TNIK: variants seen among roughly 807,000 people sequenced by gnomAD.
The protein encoded by TNIK is TRAF2 and NCK interacting kinase.
In TNIK, 49 loss-of-function variants were observed where a neutral mutation model predicts 191.3. The observed-to-expected ratio is 0.26, with a 90% CI of 0.20 to 0.32. The LOEUF is 0.32. Ranked by LOEUF, TNIK falls within the 10% of genes least tolerant of loss-of-function variation. The pLI is 1.00. For missense variants in TNIK, 1,155 were observed against 1,702.3 expected, an observed-to-expected ratio of 0.68 and a Z score of 5.66; for synonymous variants, 594 against 600.9, an observed-to-expected ratio of 0.99 and a Z score of 0.17.
chr3:171,070,430 A>C (rs1719034319), intron 29 of TNIK, among the ~76,000 whole-genome samples: 1 of 152,164 alleles, frequency 6.6e-6, no homozygotes, highest in Non-Finnish European at 1.5e-5. Flanking sequence ...GACATAAAGA[A>C]GTAGACAGAC....
intron 18 of TNIK, 106 bp from the exon 19 acceptor site, chr3:171,110,983 A>G: frequency 8.7e-7 from 1 of 1,147,764 alleles, no homozygotes; most frequent in Non-Finnish European, 1.2e-6. Flanking sequence ...GGAACTCAAA[A>G]CAGCTCAATA....
intron 1 of TNIK, among the ~76,000 whole-genome samples, chr3:171,404,212 C>T (rs1444991228): frequency 6.6e-6 from 1 of 152,142 alleles, no homozygotes; most frequent in Non-Finnish European, 1.5e-5. Flanking sequence ...CTCAAATTCC[C>T]CTGTGCGTTT....
intron 21 of TNIK, among the ~76,000 whole-genome samples, chr3:171,104,059 A>G (rs1724148349): frequency 6.7e-6 from 1 of 148,904 alleles, no homozygotes; most frequent in South Asian, 2.1e-4. Flanking sequence ...AACATTAGAA[A>G]TAACAATTAA....
intron 2 of TNIK, among the ~76,000 whole-genome samples, chr3:171,277,361 A>G (rs1161536186): frequency 6.6e-6 from 1 of 152,226 alleles, no homozygotes; most frequent in African/African-American, 2.4e-5. Context: ...AAACAACAAT[A>G]AAAGCCTATT....
rs575279301 is a variant in TNIK, at chr3:171,150,361, T to C, written c.1221+7099A>G. Among the ~76,000 whole-genome samples the C allele has an allele frequency of 2.0e-5, 3 of 152,292 alleles. No individual in the cohort carries two copies. In the South Asian group the frequency reaches 6.2e-4, roughly 32 times the overall value. ...TGCTCAAAATTACAAAGGAAGTAAG[T>C]GGCAGATCTGAGATTCAAACCCAGG... On this transcript the variant is annotated intron_variant, in intron 12 of 32. Coordinates refer to ENST00000436636, the MANE Select transcript of TNIK (RefSeq NM_015028.4).
chr3:171,274,115 G>A (rs1458535100), intron 2 of TNIK, among the ~76,000 whole-genome samples: 1 of 152,078 alleles, frequency 6.6e-6, no homozygotes, highest in Non-Finnish European at 1.5e-5. Flanking sequence ...AGAGCCCCAG[G>A]GCCCTCTATC....
At chr3:171,113,945 G>T (rs896834189) in intron 18 of TNIK, among the ~76,000 whole-genome samples, 1 of 147,692 alleles carries the variant, frequency 6.8e-6, no homozygotes, top group African/African-American at 2.5e-5. Flanking sequence ...CCAAACAGGA[G>T]ACATCTAAGC....
intron 2 of TNIK, among the ~76,000 whole-genome samples, chr3:171,351,521 T>C (rs1043598712): frequency 6.6e-6 from 1 of 152,214 alleles, no homozygotes; most frequent in Non-Finnish European, 1.5e-5. Flanking sequence ...AGAATTCATT[T>C]ATTCTCATGT....
In TNIK at chr3:171,296,774, T is replaced by A. The variant is rs561751281; in HGVS notation, c.124-68553A>T. 6.6e-5 allele frequency among the ~76,000 whole-genome samples: 10 copies of A among 152,340 alleles called. No homozygotes were observed. The South Asian group carries it at 2.1e-3, about 32-fold the overall frequency. ...CTTGATTGTTTGAAATTTTCCATAATAAATTCTTAAATGACACTTTTATCT... is the reference window on the plus strand; with the variant it reads ...CTTGATTGTTTGAAATTTTCCATAAAAAATTCTTAAATGACACTTTTATCT... On this transcript the variant is annotated intron_variant, in intron 2 of 32. Coordinates refer to ENST00000436636, the MANE Select transcript of TNIK (RefSeq NM_015028.4).
intron 2 of TNIK, among the ~76,000 whole-genome samples, chr3:171,284,602 G>T (rs1243995987): frequency 1.6e-5 from 2 of 127,592 alleles, no homozygotes; most frequent in Non-Finnish European, 3.4e-5. Flanking sequence ...TAAACCTCCT[G>T]CATGCTAAAA....
chr3:171,453,193 C>A (rs1728393446), intron 1 of TNIK, among the ~76,000 whole-genome samples: 1 of 152,140 alleles, frequency 6.6e-6, no homozygotes, highest in Admixed American at 6.5e-5. Flanking sequence ...TGGTGAGGAT[C>A]CCTAAGAAAA....
At chr3:171,080,314 A>G (rs1188230637) in intron 27 of TNIK, among the ~76,000 whole-genome samples, 3 of 152,368 alleles carry the variant, frequency 2.0e-5, no homozygotes, top group South Asian at 2.1e-4. Flanking sequence ...GATGATTTGC[A>G]CCAGATAAAA....
At chr3:171,131,934 A>C (rs1560158908) in intron 15 of TNIK, among the ~76,000 whole-genome samples, 1 of 152,218 alleles carries the variant, frequency 6.6e-6, no homozygotes, top group Non-Finnish European at 1.5e-5. Context: ...ATGTCTGCTG[A>C]CTGAACAGGA....
At chr3:171,297,273 A>G (rs969000421) in intron 2 of TNIK, among the ~76,000 whole-genome samples, 1 of 152,212 alleles carries the variant, frequency 6.6e-6, no homozygotes, top group African/African-American at 2.4e-5. Flanking sequence ...TCTTCAAAAC[A>G]CAGATGCCAT....
At chr3:171,342,700 G>A (rs937284095) in intron 2 of TNIK, among the ~76,000 whole-genome samples, 1 of 151,974 alleles carries the variant, frequency 6.6e-6, no homozygotes, top group Non-Finnish European at 1.5e-5. Context: ...GAATAAATGG[G>A]GCAGAAAAGA....
At chr3:171,415,740 G>A (rs1426571818) in intron 1 of TNIK, among the ~76,000 whole-genome samples, 1 of 151,874 alleles carries the variant, frequency 6.6e-6, no homozygotes, top group Non-Finnish European at 1.5e-5. Context: ...CAGCACTTTG[G>A]GATGTAGAGG....
chr3:171,345,625 T>C (rs924580310), intron 2 of TNIK, among the ~76,000 whole-genome samples: 1 of 152,056 alleles, frequency 6.6e-6, no homozygotes, highest in African/African-American at 2.4e-5. Context: ...AAGCCTAGGC[T>C]ATTTGCACCA....
rs111341079 is a variant in TNIK at position 171,204,281 on chromosome 3, C to T, written c.306+6835G>A. ...GCCATTATCTGAAGTAGTTGTATTT[C>T]CACAAAGAGCTAGTGCTAAACAAGA... On this transcript the variant is annotated intron_variant, in intron 4 of 32. Transcript: ENST00000436636. Among the ~76,000 whole-genome samples the T allele has an allele frequency of 5.2e-3, 797 of 152,296 alleles. 6 individuals carry two copies. The highest frequency in any genetic ancestry group is 0.012 in the Admixed American group (191 of 15,292).
intron 3 of TNIK, among the ~76,000 whole-genome samples, chr3:171,223,350 A>G (rs1434354636): frequency 6.6e-6 from 1 of 152,220 alleles, no homozygotes. Context: ...ATTTATAAAT[A>G]TTTAGGGCAA....
Sources: gnomAD v4.1 joint callset for allele counts (sites outside exome capture counted in the v4.1 genomes callset) on GRCh38, gnomAD v4.1.1 for gene constraint, MANE v1.5 for transcripts, NCBI Gene and HGNC (gene_info 2026-07-23, HGNC 2026-07-21) for gene names.